The following COL22A1 variants were observed in gnomAD, a reference collection of about 807,000 sequenced individuals.
COL22A1 encodes the protein collagen alpha-1(XXII) chain.
A neutral mutation model predicts 248.9 loss-of-function variants in COL22A1; 221 were observed. That is an observed-to-expected ratio of 0.89 (90% CI 0.80 to 0.99). The LOEUF is 0.99. Among genes scored for constraint, COL22A1 ranks in the 50% least tolerant of loss-of-function variants. The probability of loss-of-function intolerance (pLI) is 0.00; values close to 1 mark genes in which losing one functional copy is unlikely to be tolerated. For synonymous variants in COL22A1, 891 were observed against 793.4 expected (o/e 1.12, Z -2.07); for missense variants, 2,240 against 2,179.0 (o/e 1.03, Z -0.56).
intron 22 of COL22A1, among the ~76,000 whole-genome samples, chr8:138,746,968 C>T (rs1297348868): frequency 6.6e-6 from 1 of 152,226 alleles, no homozygotes; most frequent in African/African-American, 2.4e-5. Flanking sequence ...GCCACTGCGA[C>T]CCTCAAAACC....
chr8:138,845,301 G>A (rs1821164421), intron 3 of COL22A1, among the ~76,000 whole-genome samples: 1 of 152,106 alleles, frequency 6.6e-6, no homozygotes, highest in Admixed American at 6.5e-5. Context: ...CTGAGGTCAG[G>A]AGTTCGAGAC....
rs79820107 is a variant in COL22A1, at chr8:138,713,323, C to T, written c.2517+2359G>A. Among the ~76,000 whole-genome samples the T allele has an allele frequency of 2.5e-3, 387 of 152,158 alleles. 9 individuals carry two copies. In the East Asian group the frequency reaches 0.048, roughly 19 times the overall value. On this transcript the variant is annotated intron_variant, in intron 30 of 64. Coordinates refer to ENST00000303045, the MANE Select transcript of COL22A1 (RefSeq NM_152888.3). ...TTCTGTGAGTGTGGGTAAGACAGTA[C>T]ATCTCTCTATGCCTTAGTTCTTTCA...
intron 4 of COL22A1, among the ~76,000 whole-genome samples, chr8:138,841,534 G>A (rs146121820): frequency 4.0e-4 from 61 of 152,266 alleles, no homozygotes; most frequent in Admixed American, 7.8e-4. Flanking sequence ...CAGCTAAGGG[G>A]AGTACTGCAT....
Position 138,877,863 on chromosome 8 carries a change from T to C in COL22A1, c.545A>G (p.Lys182Arg). The C allele has an allele frequency of 6.2e-7, 1 of 1,613,382 alleles. No individual in the cohort carries two copies. Among genetic ancestry groups the C allele is most frequent in the African/African-American group, 1.3e-5 (1 of 75,054 alleles). ...TGAGGCGATCTCCTCCAGCTCCTCC[T>C]TGAGTGCCTCGCCCACGCCCACGGC... ...IFAVGVGEALKEELEEIASEP... is the reference protein window; with the variant it reads ...IFAVGVGEALREELEEIASEP... Residue 182 changes from lysine to arginine, a missense_variant, in exon 3 of 65, where the codon AAG becomes AGG. Coordinates refer to ENST00000303045, the MANE Select transcript of COL22A1 (RefSeq NM_152888.3).
intron 3 of COL22A1, among the ~76,000 whole-genome samples, chr8:138,849,234 G>A (rs1351828470): frequency 6.6e-6 from 1 of 152,196 alleles, no homozygotes; most frequent in African/African-American, 2.4e-5. Context: ...ATGCCATGTG[G>A]ATTGTTTCTG....
At chr8:138,592,558 G>A (rs1373863061) in intron 63 of COL22A1, among the ~76,000 whole-genome samples, 1 of 152,112 alleles carries the variant, frequency 6.6e-6, no homozygotes, top group Non-Finnish European at 1.5e-5. Context: ...TTAACAAAAA[G>A]CCTTTCAAGT....
At chr8:138,842,668 A>T (rs1461862744) in intron 4 of COL22A1, among the ~76,000 whole-genome samples, 2 of 152,248 alleles carry the variant, frequency 1.3e-5, no homozygotes, top group Admixed American at 6.5e-5. Flanking sequence ...TGGTTTTGCC[A>T]TTAAAGTTTT....
At position 138,589,426 on chromosome 8, in the gene COL22A1, G is replaced by A. The variant is rs146712669; in HGVS notation, c.4708C>T (p.Pro1570Ser). 7.0e-6 allele frequency: 11 copies of A among 1,561,226 alleles called. No individual in the cohort carries two copies. In the East Asian group the frequency reaches 9.4e-5, roughly 13 times the overall value. The stretch of plus-strand genomic sequence containing the variant: ...GGAAGTCCATCTTTAGCATAGCCAG[G>A]TTCCCCGGGTTGACCTGGCCCAAGG... ...PPGIPGQPGEPGYAKDGLPGI... is the reference protein window; with the variant it reads ...PPGIPGQPGESGYAKDGLPGI... Residue 1570 changes from proline (P) to serine (S), a missense_variant, in exon 65 of 65, where the codon CCT (proline) becomes TCT (serine). Transcript: ENST00000303045.
At chr8:138,742,271 G>A (rs941984288) in intron 22 of COL22A1, among the ~76,000 whole-genome samples, 2 of 133,082 alleles carry the variant, frequency 1.5e-5, no homozygotes, top group African/African-American at 6.1e-5. Flanking sequence ...AGTAGTGATG[G>A]TGATGGAGTT....
chr8:138,825,495 T>C (rs926647366), intron 6 of COL22A1, among the ~76,000 whole-genome samples: 1 of 152,236 alleles, frequency 6.6e-6, no homozygotes, highest in Admixed American at 6.5e-5. Context: ...ATAACTGTGA[T>C]GCTAACAGTA....
At chr8:138,610,415 G>A (rs535535690) in intron 56 of COL22A1, among the ~76,000 whole-genome samples, 33 of 152,300 alleles carry the variant, frequency 2.2e-4, no homozygotes, top group African/African-American at 7.9e-4. Context: ...CATATTCAAT[G>A]TCTAGTTCAA....
chr8:138,692,262 G>GGAGGTGTGTGTGTGTGTACATGTGTGTA (rs1564201708), intron 35 of COL22A1, among the ~76,000 whole-genome samples: 25 of 143,664 alleles, frequency 1.7e-4, no homozygotes, highest in Non-Finnish European at 2.6e-4. Context: ...GTGTGCGTGT[G>GGAGGTGTGTGTGTGTGTACATGTGTGTA]TGCATGTTTG....
intron 41 of COL22A1, among the ~76,000 whole-genome samples, chr8:138,674,034 A>G (rs1158674945): frequency 6.6e-6 from 1 of 152,160 alleles, no homozygotes; most frequent in African/African-American, 2.4e-5. Context: ...CCTTCTGCTC[A>G]GTAACATACC....
Position 138,715,749 on chromosome 8 carries a change from T to C in COL22A1, c.2464-14A>G. On this transcript the variant is annotated splice_polypyrimidine_tract_variant and intron_variant, in intron 29 of 64. Coordinates refer to ENST00000303045, the MANE Select transcript of COL22A1 (RefSeq NM_152888.3). ...ACCTTTTTCTCCCTATAATAAAAGATAAAATTAGAAAACATTAGAACCCAA... is the reference window on the plus strand; with the variant it reads ...ACCTTTTTCTCCCTATAATAAAAGACAAAATTAGAAAACATTAGAACCCAA... 6.3e-7 allele frequency: 1 copy of C among 1,598,678 alleles called. No homozygotes were observed. The highest frequency in any genetic ancestry group is 8.6e-7 in the Non-Finnish European group (1 of 1,168,946).
At chr8:138,762,289 G>C (rs1833552520) in intron 17 of COL22A1, 124 bp downstream of exon 17, 1 of 923,692 alleles carries the variant, frequency 1.1e-6, no homozygotes, top group Admixed American at 2.1e-5. Flanking sequence ...GCCTCCTGCA[G>C]CCTCCAGCTG....
At chr8:138,750,254 T>C (rs1413460527) in intron 22 of COL22A1, among the ~76,000 whole-genome samples, 1 of 152,214 alleles carries the variant, frequency 6.6e-6, no homozygotes, top group Non-Finnish European at 1.5e-5. Flanking sequence ...GAGAACAGAC[T>C]AATACAATCT....
chr8:138,710,610 T>TAG (rs1554597175), intron 30 of COL22A1, among the ~76,000 whole-genome samples: 78 of 150,590 alleles, frequency 5.2e-4, no homozygotes, highest in South Asian at 8.4e-4. Flanking sequence ...TATCTATCTA[T>TAG]ATATATATAT....
chr8:138,819,378 C>A (rs1451999343), intron 7 of COL22A1, among the ~76,000 whole-genome samples: 1 of 151,800 alleles, frequency 6.6e-6, no homozygotes, highest in East Asian at 1.9e-4. Flanking sequence ...AGGATATGGC[C>A]TAGCATCACC....
chr8:138,845,372 G>C (rs993787524), intron 3 of COL22A1, among the ~76,000 whole-genome samples: 1 of 151,954 alleles, frequency 6.6e-6, no homozygotes, highest in African/African-American at 2.4e-5. Context: ...AGTCGGGCAT[G>C]GTGGTGCACA....
Sources: gnomAD v4.1 joint callset for allele counts (sites outside exome capture counted in the v4.1 genomes callset) on GRCh38, gnomAD v4.1.1 for gene constraint, MANE v1.5 for transcripts, NCBI Gene and HGNC (gene_info 2026-07-23, HGNC 2026-07-21) for gene names.